The following GRK5 variants were observed in gnomAD, a reference collection of about 807,000 sequenced individuals.
GRK5 encodes the protein g protein-coupled receptor kinase GRK5.
GRK5 carries 40 observed loss-of-function variants against 78.4 expected under a neutral mutation model. The ratio of observed to expected loss-of-function variants is 0.51; its 90% CI spans 0.40 to 0.66. GRK5 has a LOEUF of 0.66. Among genes scored for constraint, GRK5 ranks in the 30% least tolerant of loss-of-function variants. The pLI is 0.00. For synonymous variants in GRK5, 289 were observed against 296.8 expected (o/e 0.97, Z 0.27); for missense variants, 598 against 759.9 (o/e 0.79, Z 2.50).
chr10:119,384,359 GC>G (rs1316608634), intron 3 of GRK5, among the ~76,000 whole-genome samples: 2 of 152,344 alleles, frequency 1.3e-5, no homozygotes, highest in Admixed American at 1.3e-4. Context: ...GGTGCATGAT[GC>G]AGAGTGCAGC....
At chr10:119,257,758 G>A (rs1369890203) in intron 1 of GRK5, among the ~76,000 whole-genome samples, 1 of 152,056 alleles carries the variant, frequency 6.6e-6, no homozygotes, top group Non-Finnish European at 1.5e-5. Context: ...AAGTGCTGGG[G>A]CAAAGTGGCT....
At chr10:119,398,132 CTG>C (rs1852087894) in intron 4 of GRK5, among the ~76,000 whole-genome samples, 1 of 152,198 alleles carries the variant, frequency 6.6e-6, no homozygotes. Flanking sequence ...CTGTTGCTGT[CTG>C]TGAGGTTCTC....
chr10:119,272,394 T>C (rs1849596708), intron 1 of GRK5, among the ~76,000 whole-genome samples: 1 of 151,978 alleles, frequency 6.6e-6, no homozygotes, highest in East Asian at 1.9e-4. Flanking sequence ...CTGGCCAACA[T>C]GGTGAAACCC....
chr10:119,265,302 C>T (rs531021304), intron 1 of GRK5, among the ~76,000 whole-genome samples: 9 of 152,194 alleles, frequency 5.9e-5, no homozygotes, highest in Non-Finnish European at 8.8e-5. Flanking sequence ...GAGGCCCCCC[C>T]GCAGGTGAGT....
chr10:119,245,006 G>A (rs192822945), intron 1 of GRK5, among the ~76,000 whole-genome samples: 6 of 152,272 alleles, frequency 3.9e-5, no homozygotes, highest in East Asian at 3.9e-4. Flanking sequence ...GGCTGGGCGC[G>A]GTGGCTCGCA....
chr10:119,209,623 C>G (rs975200855), intron 1 of GRK5, among the ~76,000 whole-genome samples: 1 of 151,648 alleles, frequency 6.6e-6, no homozygotes, highest in African/African-American at 2.4e-5. Flanking sequence ...AGCCCTCCAC[C>G]TCCCCCGCCC....
chr10:119,334,205 C>T (rs925912027), intron 2 of GRK5, among the ~76,000 whole-genome samples: 15 of 152,148 alleles, frequency 9.9e-5, no homozygotes, highest in Non-Finnish European at 1.9e-4. Context: ...CTTTGAGGGG[C>T]GGAGGCAGGA....
rs527725657 is a variant in GRK5 at position 119,313,279 on chromosome 10, T to C, written c.53-13237T>C. Among the ~76,000 whole-genome samples the C allele has an allele frequency of 2.3e-4, 35 of 150,640 alleles. 1 individual carries two copies. The highest frequency in any genetic ancestry group is 3.4e-3 in the Middle Eastern group (1 of 294). ...GTGATGGTGGTGGTAATAGTGGTGA[T>C]GGGGATGGTGGTAATGGTGGTGGTG... On this transcript the variant is annotated intron_variant, in intron 1 of 15. Transcript: ENST00000392870.
intron 2 of GRK5, among the ~76,000 whole-genome samples, chr10:119,329,086 A>AG (rs1850725075): frequency 6.6e-6 from 1 of 152,208 alleles, no homozygotes; most frequent in African/African-American, 2.4e-5. Context: ...AGAATAAATG[A>AG]GGTGTAAGTG....
In GRK5 at chr10:119,392,330, G is replaced by A. The variant is rs150416287; in HGVS notation, c.262-4365G>A. 1.3e-3 allele frequency among the ~76,000 whole-genome samples: 191 copies of A among 152,324 alleles called. 3 individuals carry two copies. The South Asian group carries it at 0.024, about 19-fold the overall frequency. On this transcript the variant is annotated intron_variant, in intron 3 of 15. Transcript: ENST00000392870. Reference sequence around the variant, plus strand: ...GCATAAATCACAATGCAGGGAGAAGGCTCATTCAGTGGTGTCTTCCCTGTT... The same window carrying A: ...GCATAAATCACAATGCAGGGAGAAGACTCATTCAGTGGTGTCTTCCCTGTT...
intron 1 of GRK5, among the ~76,000 whole-genome samples, chr10:119,268,278 T>A (rs1029292469): frequency 6.6e-6 from 1 of 152,262 alleles, no homozygotes; most frequent in African/African-American, 2.4e-5. Context: ...TCGATTATTT[T>A]AAAAACAAAG....
rs190799075 is a variant in GRK5, at chr10:119,399,010, T to C, written c.339+2238T>C. Among the ~76,000 whole-genome samples, 58 of 152,314 alleles carry C rather than the reference T, an allele frequency of 3.8e-4. 1 individual carries two copies. The highest frequency in any genetic ancestry group is 7.4e-5 in the Non-Finnish European group (5 of 68,022). On this transcript the variant is annotated intron_variant, in intron 4 of 15. Transcript: ENST00000392870. ...CCACCGGGTTGCCCCGTGGCCAACC[T>C]TGTCCAGAAGCCCCTGCTGGCAGCC...
At chr10:119,434,589 G>A (rs1434674067) in intron 8 of GRK5, among the ~76,000 whole-genome samples, 1 of 152,258 alleles carries the variant, frequency 6.6e-6, no homozygotes, top group African/African-American at 2.4e-5. Context: ...TCATGCCGAT[G>A]CCAAGACGTG....
intron 3 of GRK5, among the ~76,000 whole-genome samples, chr10:119,383,070 C>G (rs111690180): frequency 1.3e-5 from 2 of 152,016 alleles, no homozygotes; most frequent in African/African-American, 2.4e-5. Flanking sequence ...TACAGGCGCC[C>G]GCCACTACAC....
chr10:119,220,487 G>A (rs1000526365), intron 1 of GRK5, among the ~76,000 whole-genome samples: 1 of 152,166 alleles, frequency 6.6e-6, no homozygotes, highest in African/African-American at 2.4e-5. Context: ...GGCTAGTGGT[G>A]ACTGTTCTAT....
chr10:119,359,591 C>T (rs1455229346), intron 2 of GRK5, among the ~76,000 whole-genome samples: 3 of 152,160 alleles, frequency 2.0e-5, no homozygotes, highest in Non-Finnish European at 2.9e-5. Flanking sequence ...GGCAGCTGCC[C>T]CAGATGCTGT....
chr10:119,277,220 G>A (rs1165463525), intron 1 of GRK5, among the ~76,000 whole-genome samples: 1 of 152,026 alleles, frequency 6.6e-6, no homozygotes, highest in Non-Finnish European at 1.5e-5. Flanking sequence ...TGATCATTTC[G>A]GCCAGACCCC....
chr10:119,242,294 G>GCC (rs1849039629), intron 1 of GRK5, among the ~76,000 whole-genome samples: 1 of 151,940 alleles, frequency 6.6e-6, no homozygotes, highest in South Asian at 2.1e-4. Flanking sequence ...CAGGTGGGGA[G>GCC]CCCGATCTAG....
chr10:119,453,306 C>A (rs377399435), intron 15 of GRK5, 30 bp downstream of exon 15: 294 of 1,612,740 alleles, frequency 1.8e-4, no homozygotes, highest in Admixed American at 9.3e-4. Context: ...CCAGTCCTGG[C>A]ATCAGCTCCG....
Sources: gnomAD v4.1 joint callset for allele counts (sites outside exome capture counted in the v4.1 genomes callset) on GRCh38, gnomAD v4.1.1 for gene constraint, MANE v1.5 for transcripts, NCBI Gene and HGNC (gene_info 2026-07-23, HGNC 2026-07-21) for gene names.